The following DOCK9 variants were observed in gnomAD, a reference collection of about 807,000 sequenced individuals.
DOCK9 encodes dedicator of cytokinesis protein 9.
Under a neutral mutation model 263.3 loss-of-function variants are expected in DOCK9, and 89 were observed. The observed-to-expected ratio is 0.34, with a 90% CI of 0.28 to 0.40. The LOEUF is 0.40. DOCK9 is among the 10% of genes least tolerant of loss of function. The probability of loss-of-function intolerance (pLI) is 1.00; values close to 1 mark genes in which losing one functional copy is unlikely to be tolerated. For missense variants in DOCK9, 2,140 were observed against 2,603.4 expected (o/e 0.82, Z 3.87); for synonymous variants, 976 against 973.1 (o/e 1.00, Z -0.06).
upstream of DOCK9, among the ~76,000 whole-genome samples, chr13:98,980,341 T>G (rs181191104): frequency 1.7e-4 from 26 of 152,390 alleles, no homozygotes; most frequent in South Asian, 6.2e-4. Flanking sequence ...CATAACTCTA[T>G]GTAATACTGT....
chr13:98,864,517 C>T (rs1225726475), intron 30 of DOCK9, among the ~76,000 whole-genome samples: 2 of 152,128 alleles, frequency 1.3e-5, no homozygotes, highest in African/African-American at 4.8e-5. Flanking sequence ...CTATGAAACC[C>T]TTTAATAGAA....
chr13:98,805,700 T>C (rs2090618408), intron 48 of DOCK9, among the ~76,000 whole-genome samples: 1 of 152,254 alleles, frequency 6.6e-6, no homozygotes, highest in Non-Finnish European at 1.5e-5. Flanking sequence ...TTAGTTGTTA[T>C]GTCCCTAGTC....
chr13:99,057,621 A>G (rs1403490814), intron 1 of DOCK9, among the ~76,000 whole-genome samples: 1 of 152,272 alleles, frequency 6.6e-6, no homozygotes, highest in African/African-American at 2.4e-5. Flanking sequence ...GCTTTAAAAA[A>G]GAAAAAGCAA....
At chr13:99,034,046 G>C (rs1333862081) in intron 1 of DOCK9, among the ~76,000 whole-genome samples, 2 of 152,106 alleles carry the variant, frequency 1.3e-5, no homozygotes, top group African/African-American at 4.8e-5. Context: ...CTCAGGATGA[G>C]AGAAAAGCAC....
chr13:99,077,197 G>T (rs141259158), intron 1 of DOCK9, among the ~76,000 whole-genome samples: 2 of 152,086 alleles, frequency 1.3e-5, no homozygotes, highest in Non-Finnish European at 2.9e-5. Context: ...GATTAATTAC[G>T]GTAGCAAAGA....
At chr13:98,862,404 G>A (rs1380131418) in intron 32 of DOCK9, among the ~76,000 whole-genome samples, 1 of 152,106 alleles carries the variant, frequency 6.6e-6, no homozygotes, top group Non-Finnish European at 1.5e-5. Context: ...GAAGAAGAGA[G>A]GGGACTGGGC....
chr13:98,825,933 G>T lies in DOCK9; in HGVS notation c.5023+897C>A. ...GGGGGAGAAGGGGCGGCTCCCACTG[G>T]ACTGCTTCTAAACATGAGGAAATGC... On this transcript the variant is annotated intron_variant, in intron 44 of 52. Coordinates refer to ENST00000682017, the MANE Select transcript of DOCK9 (RefSeq NM_001366683.2). This position sits in a 1 kb window ranked among gnomAD's most constrained non-coding sequence, Gnocchi z 4.1. 2 of 1,547,820 alleles carry T rather than the reference G, an allele frequency of 1.3e-6. No homozygotes were observed. Among genetic ancestry groups the T allele is most frequent in the South Asian group, 2.5e-5 (2 of 79,430 alleles).
rs3029375 is a variant in DOCK9, at chr13:98,931,292, ATTTAT to A, written c.244-1040_244-1036del. Among the ~76,000 whole-genome samples the A allele has an allele frequency of 4.7e-5, 7 of 148,614 alleles. No homozygotes were observed. In the East Asian group the frequency reaches 5.9e-4, roughly 13 times the overall value. ...TTTTCTTTTTCTTTTTAATTTTTTT[ATTTAT>A]TTTATTTTATTTTATTTTTTGAGAC... is the stretch of plus-strand genomic sequence containing the variant. On this transcript the variant is annotated intron_variant, in intron 2 of 52. Transcript: ENST00000682017.
chr13:99,070,509 C>G (rs1330716430), intron 1 of DOCK9, among the ~76,000 whole-genome samples: 1 of 152,218 alleles, frequency 6.6e-6, no homozygotes, highest in African/African-American at 2.4e-5. Flanking sequence ...GCAAGCAGCA[C>G]TTTAAAGGGT....
At chr13:98,796,349 C>A in intron 52 of DOCK9, 1 of 710,470 alleles carries the variant, frequency 1.4e-6, no homozygotes, top group Non-Finnish European at 2.5e-6. Context: ...CTGGCTTCCA[C>A]TGTGCCAGAC....
intron 2 of DOCK9, among the ~76,000 whole-genome samples, chr13:98,942,011 T>A (rs2055940315): frequency 6.6e-6 from 1 of 152,146 alleles, no homozygotes; most frequent in Non-Finnish European, 1.5e-5. Context: ...GTTTATCACT[T>A]ATGAAAGGAT....
Position 98,885,705 on chromosome 13 carries a change from A to G in DOCK9, c.2260+3T>C, listed in dbSNP as rs1242300943. The G allele has an allele frequency of 6.2e-7, 1 of 1,609,144 alleles. No homozygotes were observed. The highest frequency in any genetic ancestry group is 1.3e-5 in the African/African-American group (1 of 74,856). The stretch of plus-strand genomic sequence containing the variant: ...AATCAAAGGAATGGTAAGCCCCCCC[A>G]ACCTTGGGTTTCAACGACATCCCTC... On this transcript the variant is annotated splice_donor_region_variant and intron_variant, in intron 20 of 52. Transcript: ENST00000682017.
intron 2 of DOCK9, among the ~76,000 whole-genome samples, chr13:98,951,796 C>G (rs1340533877): frequency 6.6e-6 from 1 of 152,144 alleles, no homozygotes; most frequent in Non-Finnish European, 1.5e-5. Context: ...GCGACAGGAT[C>G]TGATTCTGCA....
chr13:98,975,805 T>A (rs1261699358), intron 1 of DOCK9, among the ~76,000 whole-genome samples: 1 of 152,214 alleles, frequency 6.6e-6, no homozygotes, highest in Non-Finnish European at 1.5e-5. Context: ...TCTCTAGGTA[T>A]AATGCATTCA....
At chr13:98,885,944 G>T in intron 19 of DOCK9, 113 bp from the exon 20 acceptor site, 1 of 1,003,280 alleles carries the variant, frequency 1.0e-6, no homozygotes, top group Non-Finnish European at 1.4e-6. Flanking sequence ...TTCTCCGAGC[G>T]GATATTAACA....
intron 2 of DOCK9, among the ~76,000 whole-genome samples, chr13:98,953,733 G>C (rs548162443): frequency 6.6e-6 from 1 of 152,210 alleles, no homozygotes; most frequent in African/African-American, 2.4e-5. Flanking sequence ...CAGGCAAAAG[G>C]CATCATTCAG....
chr13:98,881,728 TAGGAAACA>T (rs955490343), intron 24 of DOCK9, 101 bp from the exon 25 acceptor site: 2 of 1,339,334 alleles, frequency 1.5e-6, no homozygotes, highest in African/African-American at 2.9e-5. Flanking sequence ...TATCAGCACT[TAGGAAACA>T]AGGAGACAAG....
intron 1 of DOCK9, among the ~76,000 whole-genome samples, chr13:99,020,786 C>G (rs1166935846): frequency 6.6e-6 from 1 of 152,118 alleles, no homozygotes; most frequent in Non-Finnish European, 1.5e-5. Flanking sequence ...TATATCAGAC[C>G]TGGGGTCTAT....
intron 9 of DOCK9, among the ~76,000 whole-genome samples, chr13:98,905,498 C>T (rs2048947653): frequency 6.6e-6 from 1 of 152,088 alleles, no homozygotes; most frequent in Admixed American, 6.5e-5. Flanking sequence ...GAGAAAAGCG[C>T]ATTCTAGGAG....
Sources: allele counts gnomAD v4.1 joint callset (sites outside exome capture counted in the v4.1 genomes callset), GRCh38; gene constraint gnomAD v4.1.1; non-coding constraint Gnocchi (gnomAD v3.1); transcripts MANE v1.5; gene names NCBI Gene and HGNC (gene_info 2026-07-23, HGNC 2026-07-21).